NKAPL: variants seen among roughly 807,000 people sequenced by gnomAD.
NKAPL encodes the protein NKAP-like protein.
A neutral mutation model predicts 14.7 loss-of-function variants in NKAPL; 7 were observed. That is an observed-to-expected ratio of 0.48 (90% CI 0.27 to 0.89). NKAPL has a LOEUF of 0.89. NKAPL is among the 40% of genes least tolerant of loss of function. The probability of loss-of-function intolerance (pLI) is 0.12; values close to 1 mark genes in which losing one functional copy is unlikely to be tolerated. For missense variants in NKAPL, 466 were observed against 494.1 expected, an observed-to-expected ratio of 0.94 and a Z score of 0.54; for synonymous variants, 192 against 179.9, an observed-to-expected ratio of 1.07 and a Z score of -0.54.
At position 28,259,937 on chromosome 6, in the gene NKAPL, G is replaced by C. The variant is rs779460407; in HGVS notation, c.566G>C (p.Arg189Thr). 5.0e-6 allele frequency: 8 copies of C among 1,609,532 alleles called. No homozygotes were observed. In the South Asian group the frequency reaches 8.9e-5, roughly 18 times the overall value. The change falls in exon 1 of 1, where the codon AGA becomes ACA. Residue 189 changes from arginine (R) to threonine (T), a missense_variant. By Grantham distance (71) the Arg-to-Thr change is moderately conservative (BLOSUM62 -1). Transcript: ENST00000343684. Reference sequence around the variant, plus strand: ...AGTCGTTCAAGAAACAAGAAAAAAAGAAAGAATAAGTCGTCTAAAAGAAAG... The same window carrying C: ...AGTCGTTCAAGAAACAAGAAAAAAACAAAGAATAAGTCGTCTAAAAGAAAG... ...KTSRSRNKKKRKNKSSKRKHR... is the reference protein window; with the variant it reads ...KTSRSRNKKKTKNKSSKRKHR...
Position 28,259,753 on chromosome 6 carries a change from A to G in NKAPL, c.382A>G (p.Ile128Val). 6.2e-7 allele frequency: 1 copy of G among 1,614,194 alleles called. No homozygotes were observed. Among genetic ancestry groups the G allele is most frequent in the East Asian group, 2.2e-5 (1 of 44,872 alleles). Residue 128 changes from isoleucine to valine, a missense_variant, in exon 1 of 1, where the codon ATT (isoleucine) becomes GTT (valine). Transcript: ENST00000343684. ...RQRRLKERER[I>V]GELGAPEVWG... ...GAGGAGGCTGAAGGAGAGAGAGAGG[A>G]TTGGGGAATTGGGAGCGCCTGAAGT... is the stretch of plus-strand genomic sequence containing the variant.
Position 28,259,300 on chromosome 6 carries a change from G to A in NKAPL, c.-72G>A. On this transcript the variant is annotated 5_prime_UTR_variant, in exon 1 of 1. Coordinates refer to ENST00000343684, the MANE Select transcript of NKAPL (RefSeq NM_001007531.3). ...CCGTGCGTGGGAGGCCGATTCTAGT[G>A]CGCCTGCGTGGCCGCGAATCACCAG... 1 of 1,352,748 alleles carries A rather than the reference G, an allele frequency of 7.4e-7. No individual in the cohort carries two copies. Among genetic ancestry groups the A allele is most frequent in the Non-Finnish European group, 1.0e-6 (1 of 996,348 alleles). The allele number at this position is 1,352,748 out of a possible 1,614,324, so 83.8% of individuals were successfully genotyped here. A position where few individuals can be genotyped will look rare whatever the true frequency, so the allele number is the denominator to read the frequency against.
In NKAPL at chr6:28,259,528, C is replaced by T. The variant is rs1370204718; in HGVS notation, c.157C>T (p.Pro53Ser). Reference protein sequence around the residue: ...SHSRGREGLRPPWSELDVGAL... With the variant: ...SHSRGREGLRSPWSELDVGAL... Reference sequence around the variant, plus strand: ...CTCCCGCGGCCGTGAGGGCCTCAGGCCTCCTTGGAGTGAGTTGGACGTGGG... The same window carrying T: ...CTCCCGCGGCCGTGAGGGCCTCAGGTCTCCTTGGAGTGAGTTGGACGTGGG... The change falls in exon 1 of 1, where the codon CCT becomes TCT. Residue 53 changes from proline to serine, a missense_variant. Physicochemically the swap from Pro to Ser is moderately conservative, Grantham distance 74 (BLOSUM62 -1). Transcript: ENST00000343684. 3 of 1,614,114 alleles carry T rather than the reference C, an allele frequency of 1.9e-6. No homozygotes were observed. The Admixed American group carries it at 5.0e-5, about 27-fold the overall frequency.
chr6:28,259,938 A>G lies in NKAPL; in HGVS notation c.567A>G (p.Arg189=), dbSNP rs118064183. Residue 189 remains arginine, a synonymous_variant, in exon 1 of 1, where the codon AGA becomes AGG. Transcript: ENST00000343684. The part of the protein sequence containing the change: ...KTSRSRNKKK[R]KNKSSKRKHR... Reference sequence around the variant, plus strand: ...GTCGTTCAAGAAACAAGAAAAAAAGAAAGAATAAGTCGTCTAAAAGAAAGC... The same window carrying G: ...GTCGTTCAAGAAACAAGAAAAAAAGGAAGAATAAGTCGTCTAAAAGAAAGC... The G allele has an allele frequency of 5.7e-5, 92 of 1,609,972 alleles. No individual in the cohort carries two copies. The East Asian group carries it at 2.0e-3, about 34-fold the overall frequency.
In NKAPL at chr6:28,259,400, C is replaced by T. The variant is rs1394030783; in HGVS notation, c.29C>T (p.Ser10Phe). MPPVSRSSY[S>F]EDIVGSRRRR... is the part of the protein sequence containing the mutation. ...CCCCCAGTATCCCGGTCCAGCTATT[C>T]CGAGGACATCGTGGGCTCTCGGAGA... Residue 10 changes from serine to phenylalanine, a missense_variant, in exon 1 of 1, where the codon TCC (serine) becomes TTC (phenylalanine). Coordinates refer to ENST00000343684, the MANE Select transcript of NKAPL (RefSeq NM_001007531.3). The T allele has an allele frequency of 6.2e-7, 1 of 1,601,224 alleles. No homozygotes were observed. Among genetic ancestry groups the T allele is most frequent in the African/African-American group, 1.3e-5 (1 of 74,782 alleles).
rs1761300712 is a variant in NKAPL, at chr6:28,259,810, G to C, written c.439G>C (p.Asp147His). The part of the protein sequence containing the change: ...WGPSPKFPQL[D>H]SDEHTPVEDE... ...GCCGTCTCCAAAGTTCCCTCAGCTA[G>C]ATTCTGACGAACATACCCCAGTTGA... The change falls in exon 1 of 1, where the codon GAT becomes CAT. Residue 147 changes from aspartate to histidine, a missense_variant. Coordinates refer to ENST00000343684, the MANE Select transcript of NKAPL (RefSeq NM_001007531.3). 9 of 1,614,154 alleles carry C rather than the reference G, an allele frequency of 5.6e-6. No individual in the cohort carries two copies. The highest frequency in any genetic ancestry group is 6.8e-6 in the Non-Finnish European group (8 of 1,180,026).
chr6:28,259,394 G>A lies in NKAPL; in HGVS notation c.23G>A (p.Ser8Asn). MPPVSRS[S>N]YSEDIVGSRR... ...CTCATGCCCCCAGTATCCCGGTCCA[G>A]CTATTCCGAGGACATCGTGGGCTCT... The change falls in exon 1 of 1, where the codon AGC (serine) becomes AAC (asparagine). Residue 8 changes from serine (S) to asparagine (N), a missense_variant. Transcript: ENST00000343684. The A allele has an allele frequency of 6.3e-7, 1 of 1,593,066 alleles. No individual in the cohort carries two copies. Among genetic ancestry groups the A allele is most frequent in the Non-Finnish European group, 8.6e-7 (1 of 1,165,224 alleles).
chr6:28,259,497 C>T lies in NKAPL; in HGVS notation c.126C>T (p.Arg42=). ...SRCSSWDGCS[R]SHSRGREGLR... ...GTTCCTCTTGGGATGGCTGTTCCCG[C>T]TCTCACTCCCGCGGCCGTGAGGGCC... Residue 42 remains arginine, a synonymous_variant, in exon 1 of 1, where the codon CGC becomes CGT. Transcript: ENST00000343684. 4 of 1,614,226 alleles carry T rather than the reference C, an allele frequency of 2.5e-6. No homozygotes were observed. The highest frequency in any genetic ancestry group is 3.4e-6 in the Non-Finnish European group (4 of 1,180,050).
chr6:28,259,719 C>T lies in NKAPL; in HGVS notation c.348C>T (p.Ser116=). Residue 116 remains serine (S), a synonymous_variant, in exon 1 of 1, where the codon AGC becomes AGT. Coordinates refer to ENST00000343684, the MANE Select transcript of NKAPL (RefSeq NM_001007531.3). ...CGGAAGACTACGAGAAGGAAGAGAG[C>T]CATCGGCAGAGGAGGCTGAAGGAGA... The part of the protein sequence containing the change: ...QSAEDYEKEE[S]HRQRRLKERE... 1 of 1,614,198 alleles carries T rather than the reference C, an allele frequency of 6.2e-7. No individual in the cohort carries two copies. The highest frequency in any genetic ancestry group is 8.5e-7 in the Non-Finnish European group (1 of 1,180,038).
In NKAPL at chr6:28,260,173, C is replaced by T. The variant is rs1761313301; in HGVS notation, c.802C>T (p.Gln268Ter). Residue 268 changes from glutamine to a stop codon, truncating the protein, a stop_gained, in exon 1 of 1, where the codon CAG (glutamine) becomes TAG (stop). Coordinates refer to ENST00000343684, the MANE Select transcript of NKAPL (RefSeq NM_001007531.3). LOFTEE classifies it high-confidence loss of function. ...EDLSEATWME[Q>*]PNVADTMDLI... ...CTTGTCAGAAGCTACCTGGATGGAG[C>T]AGCCAAATGTGGCAGATACTATGGA... The T allele has an allele frequency of 6.2e-7, 1 of 1,613,948 alleles. No homozygotes were observed. The highest frequency in any genetic ancestry group is 8.5e-7 in the Non-Finnish European group (1 of 1,179,902).
In NKAPL at chr6:28,260,743, T is replaced by C; in HGVS notation, c.*163T>C. 3.7e-6 allele frequency: 3 copies of C among 808,434 alleles called. No individual in the cohort carries two copies. Among genetic ancestry groups the C allele is most frequent in the Non-Finnish European group, 5.6e-6 (3 of 533,018 alleles). The allele number at this position is 808,434 out of a possible 1,614,324, so 50.1% of individuals were successfully genotyped here. ...GCAGCTTATTTTTTGTTATTTTAAC[T>C]TTAAAAAGTAATATGTGCACATGGT... On this transcript the variant is annotated 3_prime_UTR_variant, in exon 1 of 1. Coordinates refer to ENST00000343684, the MANE Select transcript of NKAPL (RefSeq NM_001007531.3).
rs1320973332 is a variant in NKAPL, at chr6:28,259,527, G to A, written c.156G>A (p.Arg52=). The A allele has an allele frequency of 6.2e-6, 10 of 1,614,120 alleles. No homozygotes were observed. The highest frequency in any genetic ancestry group is 8.5e-6 in the Non-Finnish European group (10 of 1,180,046). Residue 52 remains arginine (R), a synonymous_variant, in exon 1 of 1, where the codon AGG becomes AGA. Transcript: ENST00000343684. ...RSHSRGREGL[R]PPWSELDVGA... The stretch of plus-strand genomic sequence containing the variant: ...ACTCCCGCGGCCGTGAGGGCCTCAG[G>A]CCTCCTTGGAGTGAGTTGGACGTGG...
In NKAPL at chr6:28,259,954, AAAAG is replaced by A; in HGVS notation, c.588_591del (p.Arg196SerfsTer81). 1 of 1,609,604 alleles carries A rather than the reference AAAAG, an allele frequency of 6.2e-7. No homozygotes were observed. The highest frequency in any genetic ancestry group is 8.5e-7 in the Non-Finnish European group (1 of 1,178,934). ...GAAAAAAAGAAAGAATAAGTCGTCTAAAAGAAAGCATAGGAAATATTCTGATAGT... is the reference window on the plus strand; with the variant it reads ...GAAAAAAAGAAAGAATAAGTCGTCTAAAAGCATAGGAAATATTCTGATAGT... On this transcript the variant is annotated frameshift_variant, in exon 1 of 1. Transcript: ENST00000343684. LOFTEE classifies it low-confidence loss of function (END_TRUNC).
chr6:28,260,583 A>T lies in NKAPL; in HGVS notation c.*3A>T, dbSNP rs753022676. ...CAAAAGAGAAAGATGACAAGTAAGG[A>T]CTTACTTGTTGCACAGCAGGAATTT... On this transcript the variant is annotated 3_prime_UTR_variant, in exon 1 of 1. Coordinates refer to ENST00000343684, the MANE Select transcript of NKAPL (RefSeq NM_001007531.3). The T allele has an allele frequency of 5.6e-6, 9 of 1,598,184 alleles. No homozygotes were observed. In the Admixed American group the frequency reaches 1.6e-4, roughly 28 times the overall value.
At position 28,259,957 on chromosome 6, in the gene NKAPL, A is replaced by G; in HGVS notation, c.586A>G (p.Arg196Gly). ...AAAAAGAAAGAATAAGTCGTCTAAAAGAAAGCATAGGAAATATTCTGATAG... is the reference window on the plus strand; with the variant it reads ...AAAAAGAAAGAATAAGTCGTCTAAAGGAAAGCATAGGAAATATTCTGATAG... ...KKKRKNKSSK[R>G]KHRKYSDSDS... Residue 196 changes from arginine (R) to glycine (G), a missense_variant, in exon 1 of 1, where the codon AGA (arginine) becomes GGA (glycine). By Grantham distance (125) the Arg-to-Gly change is moderately radical (BLOSUM62 -2). Transcript: ENST00000343684. 1 of 1,609,550 alleles carries G rather than the reference A, an allele frequency of 6.2e-7. No homozygotes were observed. The highest frequency in any genetic ancestry group is 8.5e-7 in the Non-Finnish European group (1 of 1,178,948).
Position 28,260,424 on chromosome 6 carries a change from T to C in NKAPL, c.1053T>C (p.Ala351=). Residue 351 remains alanine (A), a synonymous_variant, in exon 1 of 1, where the codon GCT becomes GCC. Coordinates refer to ENST00000343684, the MANE Select transcript of NKAPL (RefSeq NM_001007531.3). ...GTAGCAGGCATCGCAGAATGGAGGC[T>C]GTACGACTGCGTAAGGAGAACCAGA... The part of the protein sequence containing the change: ...MSGSRHRRME[A]VRLRKENQIY... 6.2e-7 allele frequency: 1 copy of C among 1,614,210 alleles called. No homozygotes were observed. The highest frequency in any genetic ancestry group is 8.5e-7 in the Non-Finnish European group (1 of 1,180,036).
rs1241607918 is a variant in NKAPL, at chr6:28,259,688, A to G, written c.317A>G (p.Gln106Arg). ...YHRHCYAEER[Q>R]SAEDYEKEES... The stretch of plus-strand genomic sequence containing the variant: ...CGTCACTGCTATGCAGAAGAACGGC[A>G]GTCAGCGGAAGACTACGAGAAGGAA... The change falls in exon 1 of 1, where the codon CAG (glutamine) becomes CGG (arginine). Residue 106 changes from glutamine to arginine, a missense_variant. Physicochemically the swap from Gln to Arg is conservative, Grantham distance 43. Transcript: ENST00000343684. 6.2e-7 allele frequency: 1 copy of G among 1,614,106 alleles called. No individual in the cohort carries two copies. Among genetic ancestry groups the G allele is most frequent in the Admixed American group, 1.7e-5 (1 of 60,004 alleles).
At position 28,259,616 on chromosome 6, in the gene NKAPL, C is replaced by A. The variant is rs1761294485; in HGVS notation, c.245C>A (p.Ala82Asp). 1 of 1,614,128 alleles carries A rather than the reference C, an allele frequency of 6.2e-7. No individual in the cohort carries two copies. Among genetic ancestry groups the A allele is most frequent in the Admixed American group, 1.7e-5 (1 of 60,014 alleles). ...CGGCTCCCAAGATTCCGCAACTACG[C>A]CTTCGCGTCCTCCTGGTCGACCTCG... ...RGRLPRFRNYAFASSWSTSYS... is the reference protein window; with the variant it reads ...RGRLPRFRNYDFASSWSTSYS... Residue 82 changes from alanine to aspartate, a missense_variant, in exon 1 of 1, where the codon GCC becomes GAC. Ala to Asp is a moderately radical substitution (Grantham distance 126). Coordinates refer to ENST00000343684, the MANE Select transcript of NKAPL (RefSeq NM_001007531.3).
In NKAPL at chr6:28,259,849, G is replaced by T; in HGVS notation, c.478G>T (p.Val160Leu). ...TACCCCAGTTGAGGATGAAGAAGAG[G>T]TAACGCATCAGAAAAGCAGCAGTTC... is the stretch of plus-strand genomic sequence containing the variant. ...EHTPVEDEEE[V>L]THQKSSSSDS... The change falls in exon 1 of 1, where the codon GTA becomes TTA. Residue 160 changes from valine (V) to leucine (L), a missense_variant. Val to Leu is a conservative substitution (Grantham distance 32, BLOSUM62 1). Transcript: ENST00000343684. 1 of 1,614,118 alleles carries T rather than the reference G, an allele frequency of 6.2e-7. No individual in the cohort carries two copies. Among genetic ancestry groups the T allele is most frequent in the East Asian group, 2.2e-5 (1 of 44,868 alleles).
Sources: gnomAD v4.1 joint callset for allele counts on GRCh38, gnomAD v4.1.1 for gene constraint, MANE v1.5 for transcripts, NCBI Gene and HGNC (gene_info 2026-07-23, HGNC 2026-07-21) for gene names.